The following DROSHA variants were observed in gnomAD, a reference collection of about 807,000 sequenced individuals.
DROSHA encodes the protein ribonuclease 3.
In DROSHA, 56 loss-of-function variants were observed where a neutral mutation model predicts 181.9. That is an observed-to-expected ratio of 0.31 (90% CI 0.25 to 0.38). The LOEUF (loss-of-function observed/expected upper bound fraction) is 0.38, where lower values mean the gene tolerates loss of function less well. Ranked by LOEUF, DROSHA falls within the 10% of genes least tolerant of loss-of-function variation. The probability of loss-of-function intolerance (pLI) is 1.00; values close to 1 mark genes in which losing one functional copy is unlikely to be tolerated. For synonymous variants in DROSHA, 524 were observed against 591.2 expected (o/e 0.89, Z 1.65); for missense variants, 1,218 against 1,743.5 (o/e 0.70, Z 5.37).
Position 31,526,150 on chromosome 5 carries a change from T to C in DROSHA, c.783A>G (p.Gln261=). ...ERGRSPDRRR[Q]DSRYRSDYDR... Reference sequence around the variant, plus strand: ...CATAATCAGATCTGTACCGGCTGTCTTGTCTTCTCCTGTCGGGACTGCGGC... The same window carrying C: ...CATAATCAGATCTGTACCGGCTGTCCTGTCTTCTCCTGTCGGGACTGCGGC... Residue 261 remains glutamine, a synonymous_variant, in exon 5 of 36, where the codon CAA becomes CAG. Transcript: ENST00000344624. The C allele has an allele frequency of 6.2e-7, 1 of 1,613,920 alleles. No homozygotes were observed. The highest frequency in any genetic ancestry group is 8.5e-7 in the Non-Finnish European group (1 of 1,179,830).
At chr5:31,520,359 T>C (rs554401260) in intron 6 of DROSHA, among the ~76,000 whole-genome samples, 1 of 152,316 alleles carries the variant, frequency 6.6e-6, no homozygotes, top group South Asian at 2.1e-4. Flanking sequence ...ATCACTGTAG[T>C]TCTATTTCCA....
chr5:31,523,976 C>CAAA (rs10718385), intron 5 of DROSHA, among the ~76,000 whole-genome samples: 1 of 105,076 alleles, frequency 9.5e-6, no homozygotes, highest in Non-Finnish European at 1.8e-5. Context: ...ACTTTGTCTC[C>CAAA]AAAAAAAAAA....
intron 25 of DROSHA, among the ~76,000 whole-genome samples, chr5:31,432,134 A>AT (rs749470013): frequency 0.049 from 7,071 of 143,612 alleles, 363 homozygotes; most frequent in East Asian, 0.2. Flanking sequence ...TACAAAACAG[A>AT]TTTTTTTTTT....
At chr5:31,413,155 G>T (rs754221403) in intron 30 of DROSHA, among the ~76,000 whole-genome samples, 5 of 152,096 alleles carry the variant, frequency 3.3e-5, no homozygotes, top group Non-Finnish European at 7.3e-5. Flanking sequence ...GCTGTCTGAC[G>T]GTGAAGGAGG....
chr5:31,407,095 T>A, intron 33 of DROSHA, 150 bp from the exon 34 acceptor site: 2 of 501,388 alleles, frequency 4.0e-6, no homozygotes, highest in Non-Finnish European at 6.6e-6. Context: ...TAAAAAGAGT[T>A]AAGTTTTTGA....
chr5:31,420,757 T>C (rs951857254), intron 30 of DROSHA, among the ~76,000 whole-genome samples: 6 of 152,222 alleles, frequency 3.9e-5, no homozygotes, highest in Non-Finnish European at 7.3e-5. Context: ...ATTATACCCA[T>C]GAAGCCTTCT....
In DROSHA at chr5:31,409,498, A is replaced by G; in HGVS notation, c.3668-166T>C. The G allele has an allele frequency of 1.6e-6, 1 of 622,688 alleles. No individual in the cohort carries two copies. The highest frequency in any genetic ancestry group is 2.8e-6 in the Non-Finnish European group (1 of 353,380). The allele number at this position is 622,688 out of a possible 1,614,324, so 38.6% of individuals were successfully genotyped here. A position where few individuals can be genotyped will look rare whatever the true frequency, so the allele number is the denominator to read the frequency against. On this transcript the variant is annotated intron_variant, in intron 31 of 35. Coordinates refer to ENST00000344624, the MANE Select transcript of DROSHA (RefSeq NM_001382508.1). The surrounding 1 kb of genome is among the most constrained non-coding windows in gnomAD (Gnocchi z 4.0). ...TCTTCCCCCACTTTTTATCATTAAT[A>G]TCAGAAGCAGCAAGAGATGTGTAAG...
chr5:31,407,149 T>C (rs1323496752), intron 33 of DROSHA: 1 of 355,780 alleles, frequency 2.8e-6, no homozygotes, highest in East Asian at 4.5e-5. Context: ...AATAGAAATT[T>C]TTAAAAATTC....
At chr5:31,486,622 C>G in intron 13 of DROSHA, 60 bp from the exon 14 acceptor site, 1 of 1,507,826 alleles carries the variant, frequency 6.6e-7, no homozygotes. Context: ...TCATATTATA[C>G]ACGTTTGTTA....
chr5:31,426,702 G>A (rs553033123), intron 27 of DROSHA, among the ~76,000 whole-genome samples: 2 of 152,192 alleles, frequency 1.3e-5, no homozygotes, highest in African/African-American at 4.8e-5. Context: ...TTAAAAAAAC[G>A]GCTGACAGAT....
At chr5:31,432,424 G>A (rs1278470812) in intron 25 of DROSHA, among the ~76,000 whole-genome samples, 4 of 152,134 alleles carry the variant, frequency 2.6e-5, no homozygotes, top group East Asian at 1.9e-4. Context: ...GAGCCACCAC[G>A]CCTGGCCCAA....
rs539449214 is a variant in DROSHA, at chr5:31,505,703, G to C, written c.1588-1068C>G. The C allele has an allele frequency of 2.6e-5, 4 of 152,258 alleles. No homozygotes were observed. The East Asian group carries it at 7.7e-4, about 29-fold the overall frequency. The allele number at this position is 152,258 out of a possible 1,614,324, so 9.4% of individuals were successfully genotyped here. On this transcript the variant is annotated intron_variant, in intron 10 of 35. Coordinates refer to ENST00000344624, the MANE Select transcript of DROSHA (RefSeq NM_001382508.1). ...AATATAGGCTGGTCAGAGTGTAATG[G>C]ATTTTACAAGTAATTGATCACAGCC...
rs1201153769 is a variant in DROSHA, at chr5:31,508,610, A to G, written c.1587+11T>C. 6.2e-7 allele frequency: 1 copy of G among 1,613,932 alleles called. No individual in the cohort carries two copies. Among genetic ancestry groups the G allele is most frequent in the South Asian group, 1.1e-5 (1 of 91,086 alleles). On this transcript the variant is annotated intron_variant, in intron 10 of 35. Transcript: ENST00000344624. ...TTGCAACCTTCACAGCAAGGGCATA[A>G]AAACACGCACCTGGCCTGGATCGTT...
chr5:31,445,333 C>G (rs1746117311), intron 23 of DROSHA, among the ~76,000 whole-genome samples: 1 of 152,188 alleles, frequency 6.6e-6, no homozygotes, highest in Non-Finnish European at 1.5e-5. Context: ...ATTCCATTCC[C>G]AGATTCTTCA....
At chr5:31,531,666 T>G (rs761838670) in intron 1 of DROSHA, 141 bp from the exon 2 acceptor site, 2 of 152,258 alleles carry the variant, frequency 1.3e-5, no homozygotes, top group Admixed American at 6.5e-5. Context: ...ACTGCACATT[T>G]ACTGTTTGCA....
chr5:31,421,554 A>T (rs1021270718), intron 29 of DROSHA, among the ~76,000 whole-genome samples, 177 bp from the exon 30 acceptor site: 1 of 152,156 alleles, frequency 6.6e-6, no homozygotes, highest in Non-Finnish European at 1.5e-5. Context: ...CTGAGTTAAT[A>T]TAGGCTGAGT....
intron 17 of DROSHA, among the ~76,000 whole-genome samples, chr5:31,469,231 C>A (rs1017179862): frequency 6.6e-6 from 1 of 152,162 alleles, no homozygotes; most frequent in African/African-American, 2.4e-5. Flanking sequence ...GTGGCGCACA[C>A]CTGTAGTCCC....
At chr5:31,473,484 T>C (rs544292330) in intron 16 of DROSHA, among the ~76,000 whole-genome samples, 13 of 152,342 alleles carry the variant, frequency 8.5e-5, no homozygotes, top group African/African-American at 2.9e-4. Context: ...CAAATATTTA[T>C]TGAGTGCCTT....
chr5:31,458,406 G>A (rs1174496532), intron 20 of DROSHA, among the ~76,000 whole-genome samples: 2 of 152,146 alleles, frequency 1.3e-5, no homozygotes, highest in African/African-American at 2.4e-5. Flanking sequence ...CTGTCCCACA[G>A]GATCTTCATC....
Sources: gnomAD v4.1 joint callset for allele counts (sites outside exome capture counted in the v4.1 genomes callset) on GRCh38, gnomAD v4.1.1 for gene constraint, Gnocchi (gnomAD v3.1) non-coding constraint, MANE v1.5 for transcripts, NCBI Gene and HGNC (gene_info 2026-07-23, HGNC 2026-07-21) for gene names.